XPNPEP2: variants seen among roughly 807,000 people sequenced by gnomAD.
XPNPEP2 encodes X-prolyl aminopeptidase 2, also known as xaa-Pro aminopeptidase 2.
In XPNPEP2, 64 loss-of-function variants were observed where a neutral mutation model predicts 59.8. The observed-to-expected ratio is 1.07, with a 90% CI of 0.87 to 1.32. The LOEUF is 1.32. XPNPEP2 is among the 40% of genes most tolerant of loss of function. XPNPEP2 has a pLI of 0.00. For synonymous variants in XPNPEP2, 235 were observed against 210.0 expected (o/e 1.12, Z -1.03); for missense variants, 575 against 546.8 (o/e 1.05, Z -0.51).
rs1179479759 is a variant in XPNPEP2, at chrX:129,743,955, T to C, written c.124-6T>C. ...TGTGTCTCAATGTCTTCTTGTCATC[T>C]GTCAGTACCTTCCAGTTACTGTGGT... On this transcript the variant is annotated splice_polypyrimidine_tract_variant and splice_region_variant and intron_variant, in intron 2 of 20. Transcript: ENST00000371106. The C allele has an allele frequency of 8.3e-7, 1 of 1,199,494 alleles. No homozygotes were observed. Among genetic ancestry groups the C allele is most frequent in the Non-Finnish European group, 1.1e-6 (1 of 884,322 alleles).
intron 12 of XPNPEP2, 54 bp downstream of exon 12, chrX:129,754,635 G>A (rs750602513): frequency 3.4e-5 from 35 of 1,038,033 alleles, no homozygotes; most frequent in Non-Finnish European, 1.3e-6. Context: ...GTGGCAGTGG[G>A]GGCAGGGAGG....
intron 14 of XPNPEP2, among the ~76,000 whole-genome samples, chrX:129,758,239 G>A (rs1420909215): frequency 1.8e-5 from 2 of 112,127 alleles, no homozygotes; most frequent in East Asian, 2.8e-4. Flanking sequence ...GCCTTTGCTG[G>A]TCAGGAGTTC....
intron 3 of XPNPEP2, among the ~76,000 whole-genome samples, chrX:129,744,500 G>A (rs1024241976): frequency 4.5e-5 from 5 of 111,709 alleles, no homozygotes; most frequent in Admixed American, 9.4e-5. Flanking sequence ...AAGGGAGCGC[G>A]GGGTTGGTTG....
At chrX:129,751,362 G>A (rs1361592276) in intron 8 of XPNPEP2, among the ~76,000 whole-genome samples, 1 of 108,925 alleles carries the variant, frequency 9.2e-6, no homozygotes, top group African/African-American at 3.3e-5. Context: ...ACAAAAATTA[G>A]CTGGGCATGG....
Position 129,756,515 on chromosome X carries a change from T to A in XPNPEP2, c.1327T>A (p.Ser443Thr). 3 of 1,211,396 alleles carry A rather than the reference T, an allele frequency of 2.5e-6. No individual in the cohort carries two copies. Among genetic ancestry groups the A allele is most frequent in the Non-Finnish European group, 3.4e-6 (3 of 895,378 alleles). Reference sequence around the variant, plus strand: ...CAAGGAGCTGAACCGCAAGCTGTCCTCAGATGAGATGTACCTGCTGGACTC... The same window carrying A: ...CAAGGAGCTGAACCGCAAGCTGTCCACAGATGAGATGTACCTGCTGGACTC... ...PTKELNRKLS[S>T]DEMYLLDSGG... The change falls in exon 14 of 21, where the codon TCA becomes ACA. Residue 443 changes from serine to threonine, a missense_variant. Physicochemically the swap from Ser to Thr is moderately conservative, Grantham distance 58 (BLOSUM62 1). Coordinates refer to ENST00000371106, the MANE Select transcript of XPNPEP2 (RefSeq NM_003399.6).
Position 129,768,698 on chromosome X carries a change from G to T in XPNPEP2, c.*213G>T. On this transcript the variant is annotated 3_prime_UTR_variant, in exon 21 of 21. Coordinates refer to ENST00000371106, the MANE Select transcript of XPNPEP2 (RefSeq NM_003399.6). Reference sequence around the variant, plus strand: ...CCCAGATGGCACCTCCCTGCACCCCGGGGTTGTATACCACACCCTGGGCCC... The same window carrying T: ...CCCAGATGGCACCTCCCTGCACCCCTGGGTTGTATACCACACCCTGGGCCC... 3.0e-6 allele frequency: 1 copy of T among 329,801 alleles called. No individual in the cohort carries two copies. The highest frequency in any genetic ancestry group is 5.2e-6 in the Non-Finnish European group (1 of 192,400). The allele number at this position is 329,801 out of a possible 1,213,427, so 27.2% of individuals were successfully genotyped here.
chrX:129,750,496 C>T lies in XPNPEP2; in HGVS notation c.666C>T (p.Gly222=), dbSNP rs1926371163. The T allele has an allele frequency of 4.2e-6, 5 of 1,196,205 alleles. No individual in the cohort carries two copies. Among genetic ancestry groups the T allele is most frequent in the Non-Finnish European group, 5.6e-6 (5 of 887,769 alleles). The change falls in exon 8 of 21, where the codon GGC becomes GGT. Residue 222 remains glycine (G), a synonymous_variant. Coordinates refer to ENST00000371106, the MANE Select transcript of XPNPEP2 (RefSeq NM_003399.6). The part of the protein sequence containing the change: ...TGSTWQEKVS[G]VRSQMQKHQK... ...GCACTTGGCAGGAGAAAGTATCTGGCGTCCGAAGCCAGATGCAGAAGCATC... is the reference window on the plus strand; with the variant it reads ...GCACTTGGCAGGAGAAAGTATCTGGTGTCCGAAGCCAGATGCAGAAGCATC...
chrX:129,760,532 G>C lies in XPNPEP2; in HGVS notation c.1449G>C (p.Leu483=), dbSNP rs759051787. 8.3e-7 allele frequency: 1 copy of C among 1,211,981 alleles called. No homozygotes were observed. The highest frequency in any genetic ancestry group is 1.8e-5 in the South Asian group (1 of 56,987). Reference sequence around the variant, plus strand: ...ATCAGGAGGCATACACCCGTGTGCTGATAGGAAATATTGACCTGTCCAGGC... The same window carrying C: ...ATCAGGAGGCATACACCCGTGTGCTCATAGGAAATATTGACCTGTCCAGGC... ...AFQKEAYTRV[L]IGNIDLSRLI... The change falls in exon 16 of 21, where the codon CTG becomes CTC. Residue 483 remains leucine, a synonymous_variant. Transcript: ENST00000371106.
Position 129,753,267 on chromosome X carries a change from A to T in XPNPEP2, c.1107+19A>T. 1 of 1,192,085 alleles carries T rather than the reference A, an allele frequency of 8.4e-7. No homozygotes were observed. Among genetic ancestry groups the T allele is most frequent in the Non-Finnish European group, 1.1e-6 (1 of 877,375 alleles). Reference sequence around the variant, plus strand: ...CAGCCACGTAAGTCCACGTTCAGGCAGACATGGCCTTTTGGGAGTATCCAG... The same window carrying T: ...CAGCCACGTAAGTCCACGTTCAGGCTGACATGGCCTTTTGGGAGTATCCAG... On this transcript the variant is annotated intron_variant, in intron 11 of 20. Coordinates refer to ENST00000371106, the MANE Select transcript of XPNPEP2 (RefSeq NM_003399.6).
At position 129,747,640 on chromosome X, in the gene XPNPEP2, GCT is replaced by G. The variant is rs1377643017; in HGVS notation, c.527_528del (p.Ser176Ter). 8.3e-7 allele frequency: 1 copy of G among 1,210,421 alleles called. No homozygotes were observed. The highest frequency in any genetic ancestry group is 1.1e-6 in the Non-Finnish European group (1 of 895,384). ...GAGAGTTATGATCTGGCCCTCCAAG[GCT>G]CTAACAGACAGCTGGTGTCCATCAC... is the stretch of plus-strand genomic sequence containing the variant. On this transcript the variant is annotated frameshift_variant, in exon 7 of 21. Transcript: ENST00000371106. LOFTEE classifies it high-confidence loss of function.
intron 4 of XPNPEP2, 84 bp from the exon 5 acceptor site, chrX:129,746,152 G>C: frequency 1.2e-6 from 1 of 807,046 alleles, no homozygotes; most frequent in Non-Finnish European, 1.8e-6. Flanking sequence ...CATTCTCAGA[G>C]CCAGCACTGC....
At position 129,744,173 on chromosome X, in the gene XPNPEP2, C is replaced by G; in HGVS notation, c.234+102C>G. ...CAGAAGATGAAGACAGAGAAAGGATCTGATGGGCAAAGGGAGGGAAGTAGA... is the reference window on the plus strand; with the variant it reads ...CAGAAGATGAAGACAGAGAAAGGATGTGATGGGCAAAGGGAGGGAAGTAGA... On this transcript the variant is annotated intron_variant, in intron 3 of 20. Coordinates refer to ENST00000371106, the MANE Select transcript of XPNPEP2 (RefSeq NM_003399.6). The G allele has an allele frequency of 5.3e-6, 4 of 758,572 alleles. No individual in the cohort carries two copies. In the East Asian group the frequency reaches 1.3e-4, roughly 25 times the overall value. The allele number at this position is 758,572 out of a possible 1,213,427, so 62.5% of individuals were successfully genotyped here. A position where few individuals can be genotyped will look rare whatever the true frequency, so the allele number is the denominator to read the frequency against.
chrX:129,742,771 G>A (rs990240736), intron 2 of XPNPEP2, among the ~76,000 whole-genome samples: 2 of 111,484 alleles, frequency 1.8e-5, no homozygotes, highest in African/African-American at 3.3e-5. Flanking sequence ...GCATGGTGGC[G>A]GGTGCCTGTA....
At position 129,757,947 on chromosome X, in the gene XPNPEP2, G is replaced by A. The variant is rs867672723; in HGVS notation, c.1368-1233G>A. ...AGAAAGAAAGAAAGAAAGAAAGAAA[G>A]AAAGAAAGAAAGAAAAAGAATAGGC... On this transcript the variant is annotated intron_variant, in intron 14 of 20. Coordinates refer to ENST00000371106, the MANE Select transcript of XPNPEP2 (RefSeq NM_003399.6). 3.6e-4 allele frequency among the ~76,000 whole-genome samples: 31 copies of A among 87,217 alleles called. 1 individual carries two copies. The highest frequency in any genetic ancestry group is 2.9e-3 in the Admixed American group (24 of 8,218). The allele number at this position is 87,217 out of a possible 115,157, so 75.7% of individuals were successfully genotyped here. A position where few individuals can be genotyped will look rare whatever the true frequency, so the allele number is the denominator to read the frequency against.
Position 129,742,199 on chromosome X carries a change from C to A in XPNPEP2, c.123+18C>A, listed in dbSNP as rs750142807. 1.1e-6 allele frequency: 1 copy of A among 899,232 alleles called. No homozygotes were observed. The highest frequency in any genetic ancestry group is 6.2e-5 in the East Asian group (1 of 16,244). The allele number at this position is 899,232 out of a possible 1,213,427, so 74.1% of individuals were successfully genotyped here. On this transcript the variant is annotated intron_variant, in intron 2 of 20. Transcript: ENST00000371106. The stretch of plus-strand genomic sequence containing the variant: ...ACCCCCCTGTGAGTGCCCCCTGCCC[C>A]CCGCGCACGGCCCCCCTGGCCCCAC...
At chrX:129,744,533 C>G in intron 3 of XPNPEP2, among the ~76,000 whole-genome samples, 1 of 111,709 alleles carries the variant, frequency 9.0e-6, no homozygotes, top group East Asian at 2.8e-4. Context: ...CCCATCCCAC[C>G]GTTTCCCCTC....
intron 8 of XPNPEP2, among the ~76,000 whole-genome samples, 161 bp from the exon 9 acceptor site, chrX:129,751,584 A>AAGAG: frequency 1.3e-5 from 1 of 75,427 alleles, no homozygotes; most frequent in Non-Finnish European, 2.5e-5. Flanking sequence ...GAAAGAAAGA[A>AAGAG]AGAAAGAAAG....
chrX:129,754,942 G>A (rs917324531), intron 12 of XPNPEP2, among the ~76,000 whole-genome samples: 3 of 111,867 alleles, frequency 2.7e-5, no homozygotes, highest in African/African-American at 6.5e-5. Flanking sequence ...GAGGATTCCC[G>A]AAGGCATGCT....
chrX:129,743,244 C>T (rs1484079564), intron 2 of XPNPEP2, among the ~76,000 whole-genome samples: 1 of 112,386 alleles, frequency 8.9e-6, no homozygotes, highest in Non-Finnish European at 1.9e-5. Context: ...CAAACGGAAA[C>T]ATGCTTTTCG....
Sources: allele counts gnomAD v4.1 joint callset (sites outside exome capture counted in the v4.1 genomes callset), GRCh38; gene constraint gnomAD v4.1.1; transcripts MANE v1.5; gene names NCBI Gene and HGNC (gene_info 2026-07-23, HGNC 2026-07-21).